Variants in MROH1 observed in about 807,000 individuals in gnomAD.
MROH1 encodes maestro heat like repeat family member 1.
A neutral mutation model predicts 116.5 loss-of-function variants in MROH1; 117 were observed. That is an observed-to-expected ratio of 1.00 (90% CI 0.86 to 1.17). The LOEUF (loss-of-function observed/expected upper bound fraction) is 1.17. Among genes scored for constraint, MROH1 ranks in the 50% most tolerant of loss-of-function variants. The pLI is 0.00. For synonymous variants in MROH1, 921 were observed against 583.9 expected (o/e 1.58, Z -8.32); for missense variants, 1,873 against 1,338.5 (o/e 1.40, Z -6.23).
rs1844689235 is a variant in MROH1, at chr8:144,259,965, A to G, written c.4099A>G (p.Ser1367Gly). Reference sequence around the variant, plus strand: ...CATGCTCTTGGACTCGCTGCTGGAGAGCCTGGCGGCTCGCCAGAAGGACAC... The same window carrying G: ...CATGCTCTTGGACTCGCTGCTGGAGGGCCTGGCGGCTCGCCAGAAGGACAC... ...DLMLLDSLLE[S>G]LAARQKDTCA... Residue 1367 changes from serine to glycine, a missense_variant, in exon 38 of 44, where the codon AGC (serine) becomes GGC (glycine). Coordinates refer to ENST00000326134, the MANE Select transcript of MROH1 (RefSeq NM_032450.3). 1.3e-6 allele frequency: 1 copy of G among 742,104 alleles called. No individual in the cohort carries two copies. Among genetic ancestry groups the G allele is most frequent in the Non-Finnish European group, 2.5e-6 (1 of 399,972 alleles). The allele number at this position is 742,104 out of a possible 1,614,324, so 46.0% of individuals were successfully genotyped here. A position where few individuals can be genotyped will look rare whatever the true frequency, so the allele number is the denominator to read the frequency against.
chr8:144,222,824 A>G (rs1441460275), intron 13 of MROH1, among the ~76,000 whole-genome samples: 3 of 151,802 alleles, frequency 2.0e-5, no homozygotes, highest in African/African-American at 4.8e-5. Flanking sequence ...GTATGTGGGT[A>G]CAGGCCCAGG....
intron 11 of MROH1, 146 bp downstream of exon 11, chr8:144,199,346 C>A: frequency 1.3e-6 from 1 of 779,898 alleles, no homozygotes; most frequent in Non-Finnish European, 2.1e-6. Context: ...CTACCTGTGG[C>A]TCCAGAGGCC....
At position 144,239,113 on chromosome 8, in the gene MROH1, G is replaced by C; in HGVS notation, c.1525G>C (p.Val509Leu). ...CCTGACTCCGCTCTGCAGGAGCCTCGTGCATCTGGCGCAGAAGAGGCAGGA... is the reference window on the plus strand; with the variant it reads ...CCTGACTCCGCTCTGCAGGAGCCTCCTGCATCTGGCGCAGAAGAGGCAGGA... ...GALTPLCRSL[V>L]HLAQKRQEAG... is the part of the protein sequence containing the mutation. Residue 509 changes from valine (V) to leucine (L), a missense_variant, in exon 16 of 44, where the codon GTG (valine) becomes CTG (leucine). By Grantham distance (32) the Val-to-Leu change is conservative (BLOSUM62 1). Transcript: ENST00000326134. 1.3e-6 allele frequency: 1 copy of C among 774,950 alleles called. No individual in the cohort carries two copies. Among genetic ancestry groups the C allele is most frequent in the Non-Finnish European group, 2.4e-6 (1 of 417,716 alleles). The allele number at this position is 774,950 out of a possible 1,614,324, so 48.0% of individuals were successfully genotyped here. A position where few individuals can be genotyped will look rare whatever the true frequency, so the allele number is the denominator to read the frequency against.
intron 12 of MROH1, among the ~76,000 whole-genome samples, chr8:144,202,477 G>A (rs550826766): frequency 6.9e-6 from 1 of 144,762 alleles, no homozygotes; most frequent in East Asian, 2.2e-4. Flanking sequence ...GGGAAGCGCA[G>A]GCTCTCTGTG....
intron 33 of MROH1, among the ~76,000 whole-genome samples, chr8:144,253,668 T>C (rs1843209943): frequency 6.6e-6 from 1 of 152,012 alleles, no homozygotes; most frequent in Admixed American, 6.5e-5. Flanking sequence ...TGCCTTCTGC[T>C]TGAAGGACGC....
chr8:144,157,981 ATTTC>A (rs1343463847), intron 1 of MROH1, among the ~76,000 whole-genome samples: 5 of 76,622 alleles, frequency 6.5e-5, no homozygotes, highest in South Asian at 7.6e-4. Context: ...CTGGCCATCT[ATTTC>A]TTTCTTTTTT....
rs1054778116 is a variant in MROH1, at chr8:144,253,694, C to T, written c.3429-1119C>T. Among the ~76,000 whole-genome samples the T allele has an allele frequency of 2.0e-3, 308 of 152,090 alleles. 1 individual carries two copies. Among genetic ancestry groups the T allele is most frequent in the Non-Finnish European group, 3.8e-3 (258 of 67,988 alleles). ...TGAAGGACGCTCCTGGAATTCCCACCACAAGGATCAGTGACACACTGTCCG... is the reference window on the plus strand; with the variant it reads ...TGAAGGACGCTCCTGGAATTCCCACTACAAGGATCAGTGACACACTGTCCG... On this transcript the variant is annotated intron_variant, in intron 33 of 43. Coordinates refer to ENST00000326134, the MANE Select transcript of MROH1 (RefSeq NM_032450.3).
chr8:144,166,907 G>A (rs1157511253), intron 3 of MROH1, among the ~76,000 whole-genome samples: 1 of 152,198 alleles, frequency 6.6e-6, no homozygotes, highest in Non-Finnish European at 1.5e-5. Context: ...GCTGAATGTG[G>A]CCTTAGGTAC....
At chr8:144,184,648 A>G (rs1163622671) in intron 7 of MROH1, among the ~76,000 whole-genome samples, 1 of 152,232 alleles carries the variant, frequency 6.6e-6, no homozygotes, top group Non-Finnish European at 1.5e-5. Context: ...AAGAGAGTGC[A>G]CCAGCTGGAC....
At chr8:144,186,731 T>G (rs1471263032) in intron 7 of MROH1, among the ~76,000 whole-genome samples, 1 of 152,044 alleles carries the variant, frequency 6.6e-6, no homozygotes, top group East Asian at 1.9e-4. Context: ...ATTGGGAGGG[T>G]GGGCCCTCAC....
At chr8:144,252,700 C>G (rs1449662305) in intron 33 of MROH1, 1 of 148,050 alleles carries the variant, frequency 6.8e-6, no homozygotes, top group Non-Finnish European at 1.5e-5. Flanking sequence ...GGCACGGTGG[C>G]TCACGCCTAT....
chr8:144,197,804 T>G (rs1195532350), intron 10 of MROH1, among the ~76,000 whole-genome samples: 2 of 142,642 alleles, frequency 1.4e-5, no homozygotes, highest in Non-Finnish European at 1.5e-5. Flanking sequence ...CCGGGGGCGG[T>G]GACTCACGCC....
At position 144,247,697 on chromosome 8, in the gene MROH1, T is replaced by C; in HGVS notation, c.3120+18T>C. The C allele has an allele frequency of 1.3e-6, 1 of 749,688 alleles. No individual in the cohort carries two copies. Among genetic ancestry groups the C allele is most frequent in the South Asian group, 1.4e-5 (1 of 71,186 alleles). 46.4% of individuals were successfully genotyped at this position (749,688 alleles called of 1,614,324 possible). ...TAGGCCAGGTACCAGCTGGGAGCTC[T>C]GCGGCCGGAAGGCAGGCTGGCACTG... On this transcript the variant is annotated intron_variant, in intron 31 of 43. Coordinates refer to ENST00000326134, the MANE Select transcript of MROH1 (RefSeq NM_032450.3).
Position 144,255,667 on chromosome 8 carries a change from C to T in MROH1, c.3753C>T (p.Ala1251=), listed in dbSNP as rs1044435388. ...RNLQAQERRG[A]SPALATRNLE... is the part of the protein sequence containing the mutation. ...TGCAGGCCCAGGAAAGGAGGGGTGC[C>T]AGTCCAGCCCTAGCCACCAGGAACC... The change falls in exon 35 of 44, where the codon GCC becomes GCT. Residue 1251 remains alanine, a synonymous_variant. Coordinates refer to ENST00000326134, the MANE Select transcript of MROH1 (RefSeq NM_032450.3). The T allele has an allele frequency of 9.8e-5, 75 of 767,106 alleles. No individual in the cohort carries two copies. In the Admixed American group the frequency reaches 1.3e-3, roughly 13 times the overall value. 47.5% of individuals were successfully genotyped at this position (767,106 alleles called of 1,614,324 possible). A position where few individuals can be genotyped will look rare whatever the true frequency, so the allele number is the denominator to read the frequency against.
chr8:144,249,452 A>T (rs1842468042), intron 32 of MROH1, among the ~76,000 whole-genome samples: 1 of 152,094 alleles, frequency 6.6e-6, no homozygotes, highest in African/African-American at 2.4e-5. Context: ...GGTATTTTCC[A>T]GCTGTGCAGT....
At chr8:144,172,227 G>T (rs948809477) in intron 4 of MROH1, among the ~76,000 whole-genome samples, 5 of 152,110 alleles carry the variant, frequency 3.3e-5, no homozygotes, top group African/African-American at 1.2e-4. Flanking sequence ...ATCCAGAAGA[G>T]ATTTAACTAA....
intron 33 of MROH1, chr8:144,252,045 G>A (rs1369385966): frequency 4.8e-6 from 1 of 208,026 alleles, no homozygotes; most frequent in Non-Finnish European, 9.9e-6. Context: ...GGGTGCTGCT[G>A]CCCATCCTTT....
rs927262741 is a variant in MROH1, at chr8:144,255,693, T to C, written c.3779T>C (p.Leu1260Pro). 3.8e-4 allele frequency: 287 copies of C among 759,060 alleles called. 1 individual carries two copies. The highest frequency in any genetic ancestry group is 2.9e-3 in the Middle Eastern group (12 of 4,182). The allele number at this position is 759,060 out of a possible 1,614,324, so 47.0% of individuals were successfully genotyped here. A position where few individuals can be genotyped will look rare whatever the true frequency, so the allele number is the denominator to read the frequency against. The change falls in exon 35 of 44, where the codon CTG (leucine) becomes CCG (proline). Residue 1260 changes from leucine (L) to proline (P), a missense_variant. Physicochemically the swap from Leu to Pro is moderately conservative, Grantham distance 98 (BLOSUM62 -3). Coordinates refer to ENST00000326134, the MANE Select transcript of MROH1 (RefSeq NM_032450.3). ...AGTCCAGCCCTAGCCACCAGGAACCTGGAACCCTGCAGGTATCTGGGTCCC... is the reference window on the plus strand; with the variant it reads ...AGTCCAGCCCTAGCCACCAGGAACCCGGAACCCTGCAGGTATCTGGGTCCC... The part of the protein sequence containing the change: ...GASPALATRN[L>P]EPCSSAVDTL...
At position 144,239,373 on chromosome 8, in the gene MROH1, G is replaced by C. The variant is rs1386852089; in HGVS notation, c.1632+10G>C. On this transcript the variant is annotated intron_variant, in intron 17 of 43. Coordinates refer to ENST00000326134, the MANE Select transcript of MROH1 (RefSeq NM_032450.3). ...AACCGGAAGACTGTTGGTGAGCCTC[G>C]CCCTTTCACAGCGTGCCCAGCGCCC... 3.8e-6 allele frequency: 3 copies of C among 780,324 alleles called. No homozygotes were observed. The highest frequency in any genetic ancestry group is 7.2e-6 in the Non-Finnish European group (3 of 417,860). The allele number at this position is 780,324 out of a possible 1,614,324, so 48.3% of individuals were successfully genotyped here. A position where few individuals can be genotyped will look rare whatever the true frequency, so the allele number is the denominator to read the frequency against.
Sources: allele counts gnomAD v4.1 joint callset (sites outside exome capture counted in the v4.1 genomes callset), GRCh38; gene constraint gnomAD v4.1.1; transcripts MANE v1.5; gene names NCBI Gene and HGNC (gene_info 2026-07-23, HGNC 2026-07-21).